Variants in GABRG3 observed in about 807,000 individuals in gnomAD.
The protein encoded by GABRG3 is gamma-aminobutyric acid receptor subunit gamma-3.
A neutral mutation model predicts 48.8 loss-of-function variants in GABRG3; 25 were observed. The observed-to-expected ratio is 0.51, with a 90% CI of 0.37 to 0.72. The LOEUF (loss-of-function observed/expected upper bound fraction) is 0.72, where lower values mean the gene tolerates loss of function less well. Ranked by LOEUF, GABRG3 falls within the 30% of genes least tolerant of loss-of-function variation. The pLI, the probability that GABRG3 is intolerant of heterozygous loss-of-function variation, is 0.00. For synonymous variants in GABRG3, 227 were observed against 217.6 expected, an observed-to-expected ratio of 1.04 and a Z score of -0.38; for missense variants, 394 against 577.9, an observed-to-expected ratio of 0.68 and a Z score of 3.26.
intron 5 of GABRG3, among the ~76,000 whole-genome samples, chr15:27,351,246 GTGTT>G (rs1408484173): frequency 4.6e-4 from 66 of 143,296 alleles, no homozygotes; most frequent in African/African-American, 1.7e-3. Context: ...TGTGTGTATG[GTGTT>G]TGTGTGTATG....
At chr15:27,121,715 G>A (rs1482348983) in intron 3 of GABRG3, among the ~76,000 whole-genome samples, 3 of 152,200 alleles carry the variant, frequency 2.0e-5, no homozygotes, top group Non-Finnish European at 4.4e-5. Context: ...CTCAGGCAGT[G>A]TGTTTCCACC....
rs147459440 is a variant in GABRG3, at chr15:27,265,881, G to GTTTTTTTTTTTTTTTTTT, written c.271-60928_271-60927insTTTTTTTTTTTTTTTTTT. Among the ~76,000 whole-genome samples, 5 of 124,816 alleles carry GTTTTTTTTTTTTTTTTTT rather than the reference G, an allele frequency of 4.0e-5. 1 individual carries two copies. Among genetic ancestry groups the GTTTTTTTTTTTTTTTTTT allele is most frequent in the African/African-American group, 3.7e-5 (1 of 27,000 alleles). The allele number at this position is 124,816 out of a possible 152,430, so 81.9% of individuals were successfully genotyped here. On this transcript the variant is annotated intron_variant, in intron 3 of 9. Coordinates refer to ENST00000615808, the MANE Select transcript of GABRG3 (RefSeq NM_033223.5). The stretch of plus-strand genomic sequence containing the variant: ...TGCAAGGTCAAGAAGATTTTCTCCT[G>GTTTTTTTTTTTTTTTTTT]GTTTTTTTTTTTTTTTGAGAGTGAC...
intron 3 of GABRG3, among the ~76,000 whole-genome samples, chr15:27,136,202 C>T (rs1199981827): frequency 2.0e-5 from 3 of 152,118 alleles, no homozygotes; most frequent in African/African-American, 2.4e-5. Context: ...ACATTTTATT[C>T]TTTTTAAGGC....
chr15:27,138,751 A>G (rs1375678796), intron 3 of GABRG3, among the ~76,000 whole-genome samples: 3 of 152,206 alleles, frequency 2.0e-5, no homozygotes, highest in South Asian at 4.1e-4. Context: ...GCATAATTCC[A>G]TTGTCTTTTG....
intron 3 of GABRG3, chr15:27,208,131 G>A (rs997140): frequency 0.17 from 30,124 of 173,574 alleles, 2,765 homozygotes; most frequent in East Asian, 0.3. Context: ...CATTGAGATG[G>A]CAAAGCTGAG....
At chr15:27,118,205 C>G (rs1293515851) in intron 3 of GABRG3, among the ~76,000 whole-genome samples, 2 of 152,134 alleles carry the variant, frequency 1.3e-5, no homozygotes, top group East Asian at 1.9e-4. Context: ...CCAGATGACT[C>G]TAATTTGTGG....
chr15:27,299,866 G>A (rs556086733), intron 3 of GABRG3, among the ~76,000 whole-genome samples: 1 of 152,138 alleles, frequency 6.6e-6, no homozygotes, highest in African/African-American at 2.4e-5. Flanking sequence ...ACATGCCAGA[G>A]AATAAAAAAG....
rs1444255815 is a variant in GABRG3 at position 27,534,366 on chromosome 15, C to T, written c.*1485C>T. 1 of 152,060 alleles carries T rather than the reference C, an allele frequency of 6.6e-6. No homozygotes were observed. Among genetic ancestry groups the T allele is most frequent in the Non-Finnish European group, 1.5e-5 (1 of 68,026 alleles). The allele number at this position is 152,060 out of a possible 1,614,324, so 9.4% of individuals were successfully genotyped here. On this transcript the variant is annotated 3_prime_UTR_variant, in exon 10 of 10. Transcript: ENST00000615808. ...TTTTGATATTTTTATAATACAAAAC[C>T]AACTTGCTGCTTGCTGTTAGTTCTT...
intron 3 of GABRG3, among the ~76,000 whole-genome samples, chr15:27,153,725 T>C (rs1161808800): frequency 6.6e-6 from 1 of 152,196 alleles, no homozygotes; most frequent in African/African-American, 2.4e-5. Context: ...TCTTTCAGTA[T>C]TTTCTCTTAT....
Position 27,457,740 on chromosome 15 carries a change from A to G in GABRG3, c.575-22910A>G, listed in dbSNP as rs527778876. Among the ~76,000 whole-genome samples, 9 of 152,274 alleles carry G rather than the reference A, an allele frequency of 5.9e-5. No homozygotes were observed. The highest frequency in any genetic ancestry group is 2.2e-4 in the African/African-American group (9 of 41,556). ...GTTGCAGTCGCCGTGTTTTCTGGCC[A>G]GTGGTATAACGAGTACCCACTGCTT... On this transcript the variant is annotated intron_variant, in intron 5 of 9. Coordinates refer to ENST00000615808, the MANE Select transcript of GABRG3 (RefSeq NM_033223.5). The surrounding 1 kb of genome is among the most constrained non-coding windows in gnomAD (Gnocchi z 4.4).
intron 6 of GABRG3, among the ~76,000 whole-genome samples, chr15:27,508,367 C>A (rs1442667633): frequency 6.6e-6 from 1 of 152,110 alleles, no homozygotes; most frequent in Non-Finnish European, 1.5e-5. Flanking sequence ...TAGTATTATG[C>A]TGATATATAT....
chr15:26,975,503 C>T lies in GABRG3; in HGVS notation c.54-1499C>T, dbSNP rs1894925316. 6.6e-6 allele frequency among the ~76,000 whole-genome samples: 1 copy of T among 152,114 alleles called. No homozygotes were observed. Among genetic ancestry groups the T allele is most frequent in the Non-Finnish European group, 1.5e-5 (1 of 68,034 alleles). ...ATTGTCAACATCTCTCATTTATGTA[C>T]ATGTTCATACAGGTGTAGACTATCT... On this transcript the variant is annotated intron_variant, in intron 1 of 9. Coordinates refer to ENST00000615808, the MANE Select transcript of GABRG3 (RefSeq NM_033223.5). This position sits in a 1 kb window ranked among gnomAD's most constrained non-coding sequence, Gnocchi z 4.6.
In GABRG3 at chr15:27,527,943, C is replaced by G; in HGVS notation, c.1073C>G (p.Pro358Arg). The change falls in exon 9 of 10, where the codon CCA becomes CGA. Residue 358 changes from proline to arginine, a missense_variant. Physicochemically the swap from Pro to Arg is moderately radical, Grantham distance 103 (BLOSUM62 -2). Coordinates refer to ENST00000615808, the MANE Select transcript of GABRG3 (RefSeq NM_033223.5). The stretch of plus-strand genomic sequence containing the variant: ...CTTCTTTTCTTGTAGTTACTACATC[C>G]AGATTCCTCAAGATGGATTCCTGAG... ...TTKKTTSLLHPDSSRWIPERI... is the reference protein window; with the variant it reads ...TTKKTTSLLHRDSSRWIPERI... 1 of 1,587,804 alleles carries G rather than the reference C, an allele frequency of 6.3e-7. No homozygotes were observed. The highest frequency in any genetic ancestry group is 8.6e-7 in the Non-Finnish European group (1 of 1,165,058).
At chr15:27,530,331 T>C (rs866701660) in intron 9 of GABRG3, among the ~76,000 whole-genome samples, 2 of 152,282 alleles carry the variant, frequency 1.3e-5, no homozygotes, top group Middle Eastern at 3.4e-3. Flanking sequence ...GGGACCCAGC[T>C]GGGCCAAAGA....
At chr15:27,316,986 C>T (rs556227296) in intron 3 of GABRG3, among the ~76,000 whole-genome samples, 59 of 152,218 alleles carry the variant, frequency 3.9e-4, no homozygotes, top group Non-Finnish European at 7.5e-4. Flanking sequence ...GAAAAACCTT[C>T]TCACTTTTGC....
At chr15:27,438,875 G>A (rs145461667) in intron 5 of GABRG3, among the ~76,000 whole-genome samples, 1 of 152,332 alleles carries the variant, frequency 6.6e-6, no homozygotes, top group Non-Finnish European at 1.5e-5. Flanking sequence ...CTCACCTGGA[G>A]GAGCCAGGTG....
At chr15:27,022,798 C>T (rs1895920361) in intron 2 of GABRG3, among the ~76,000 whole-genome samples, 1 of 152,104 alleles carries the variant, frequency 6.6e-6, no homozygotes, top group East Asian at 1.9e-4. Context: ...TTCAAATAGC[C>T]CTCCACCAAG....
At chr15:27,407,310 C>A (rs889155599) in intron 5 of GABRG3, among the ~76,000 whole-genome samples, 4 of 152,198 alleles carry the variant, frequency 2.6e-5, no homozygotes, top group Non-Finnish European at 5.9e-5. Flanking sequence ...ACACTGACAC[C>A]AGCAAATGCT....
rs1280769509 is a variant in GABRG3 at position 27,533,862 on chromosome 15, CA to C, written c.*982del. 6.6e-6 allele frequency: 1 copy of C among 152,064 alleles called. No individual in the cohort carries two copies. The highest frequency in any genetic ancestry group is 1.5e-5 in the Non-Finnish European group (1 of 68,020). The allele number at this position is 152,064 out of a possible 1,614,324, so 9.4% of individuals were successfully genotyped here. Reference sequence around the variant, plus strand: ...TTATTTTATTTTTTTGAGACAGAGTCATGCTCTGTCACCTGGCCAGGCTGGA... The same window carrying C: ...TTATTTTATTTTTTTGAGACAGAGTCTGCTCTGTCACCTGGCCAGGCTGGA... On this transcript the variant is annotated 3_prime_UTR_variant, in exon 10 of 10. Transcript: ENST00000615808.
Sources: allele counts gnomAD v4.1 joint callset (sites outside exome capture counted in the v4.1 genomes callset), GRCh38; gene constraint gnomAD v4.1.1; non-coding constraint Gnocchi (gnomAD v3.1); transcripts MANE v1.5; gene names NCBI Gene and HGNC (gene_info 2026-07-23, HGNC 2026-07-21).